The following THUMPD2 variants were observed in gnomAD, a reference collection of about 807,000 sequenced individuals.
THUMPD2 encodes the protein THUMP domain 2 tRNA and snRNA guanosine methyltransferase, also known as U6 snRNA (guanine-N(2))-methyltransferase THUMPD2.
THUMPD2 carries 56 observed loss-of-function variants against 49.4 expected under a neutral mutation model. That is an observed-to-expected ratio of 1.13 (90% CI 0.91 to 1.41). The LOEUF is 1.41. THUMPD2 is among the 40% of genes most tolerant of loss of function. The probability of loss-of-function intolerance (pLI) is 0.00; values close to 1 mark genes in which losing one functional copy is unlikely to be tolerated. For missense variants in THUMPD2, 709 were observed against 594.5 expected (o/e 1.19, Z -2.00); for synonymous variants, 237 against 205.2 (o/e 1.15, Z -1.32).
intron 5 of THUMPD2, among the ~76,000 whole-genome samples, chr2:39,765,448 G>A (rs1039083733): frequency 3.3e-5 from 5 of 151,874 alleles, no homozygotes; most frequent in Non-Finnish European, 5.9e-5. Context: ...GTGAGCCACC[G>A]CGCCCGGTCC....
At chr2:39,755,851 T>G in intron 7 of THUMPD2, 38 bp downstream of exon 7, 1 of 1,548,090 alleles carries the variant, frequency 6.5e-7, no homozygotes, top group Non-Finnish European at 8.9e-7. Context: ...CTGATTAAAG[T>G]AGATAAATTG....
chr2:39,757,335 G>A, intron 6 of THUMPD2: 4 of 1,234,040 alleles, frequency 3.2e-6, no homozygotes, highest in Non-Finnish European at 4.3e-6. Context: ...AGTCCTCAGT[G>A]CACAGCCAGG....
chr2:39,754,160 T>G (rs187051395), intron 8 of THUMPD2, among the ~76,000 whole-genome samples: 36 of 152,282 alleles, frequency 2.4e-4, no homozygotes, highest in Non-Finnish European at 3.5e-4. Flanking sequence ...CTGGAACAAT[T>G]TAGGAACCAA....
intron 5 of THUMPD2, among the ~76,000 whole-genome samples, chr2:39,763,211 G>C (rs1015518010): frequency 3.8e-4 from 57 of 151,494 alleles, no homozygotes; most frequent in African/African-American, 1.2e-3. Flanking sequence ...CCAAGACAAA[G>C]ACGTCCTAAT....
intron 8 of THUMPD2, among the ~76,000 whole-genome samples, chr2:39,745,134 C>CT (rs1558492385): frequency 6.6e-6 from 1 of 152,254 alleles, no homozygotes; most frequent in East Asian, 1.9e-4. Context: ...GTACTTTCCA[C>CT]TTTTTACTTA....
chr2:39,755,787 T>C, intron 7 of THUMPD2, 102 bp downstream of exon 7: 1 of 939,574 alleles, frequency 1.1e-6, no homozygotes, highest in African/African-American at 1.7e-5. Flanking sequence ...TAATTAAAAA[T>C]AATCCCCAAA....
intron 1 of THUMPD2, among the ~76,000 whole-genome samples, chr2:39,777,954 C>T (rs1053559167): frequency 6.6e-6 from 1 of 152,140 alleles, no homozygotes; most frequent in African/African-American, 2.4e-5. Flanking sequence ...AAAAAACAAG[C>T]CAGCGCACCC....
intron 1 of THUMPD2, 22 bp downstream of exon 1, chr2:39,779,092 G>A (rs1208056369): frequency 6.7e-7 from 1 of 1,496,940 alleles, no homozygotes; most frequent in East Asian, 2.8e-5. Flanking sequence ...ACCTCCCCAG[G>A]CGCGCAGCGA....
At chr2:39,766,563 G>A (rs1158970579) in intron 4 of THUMPD2, among the ~76,000 whole-genome samples, 1 of 152,152 alleles carries the variant, frequency 6.6e-6, no homozygotes, top group Non-Finnish European at 1.5e-5. Context: ...ATGGCAGCAA[G>A]GGTGCTGTTT....
chr2:39,755,431 A>C lies in THUMPD2; in HGVS notation c.964-22T>G, dbSNP rs765660367. ...CATCCTATGGGGAAATAAATATTTT[A>C]AGCATAAATAAAATTATTACATATT... On this transcript the variant is annotated intron_variant, in intron 7 of 9. Transcript: ENST00000505747. 11 of 1,435,452 alleles carry C rather than the reference A, an allele frequency of 7.7e-6. No homozygotes were observed. The South Asian group carries it at 1.4e-4, about 19-fold the overall frequency. The allele number at this position is 1,435,452 out of a possible 1,614,324, so 88.9% of individuals were successfully genotyped here.
intron 5 of THUMPD2, among the ~76,000 whole-genome samples, chr2:39,762,793 G>C (rs917609169): frequency 1.3e-5 from 2 of 149,648 alleles, no homozygotes; most frequent in African/African-American, 4.9e-5. Flanking sequence ...ATACCAAAAA[G>C]GGAGACGCAG....
intron 9 of THUMPD2, among the ~76,000 whole-genome samples, chr2:39,739,874 T>C (rs1023062453): frequency 6.6e-6 from 1 of 152,212 alleles, no homozygotes; most frequent in African/African-American, 2.4e-5. Context: ...AAGTAACTTT[T>C]TGGGGCAACA....
chr2:39,762,216 G>A (rs1427348502), intron 5 of THUMPD2, among the ~76,000 whole-genome samples: 2 of 152,094 alleles, frequency 1.3e-5, no homozygotes, highest in South Asian at 2.1e-4. Context: ...GAATTTGTGT[G>A]GGTTTGTCTT....
In THUMPD2 at chr2:39,775,327, G is replaced by C. The variant is rs147977694; in HGVS notation, c.127-3687C>G. 1.8e-3 allele frequency among the ~76,000 whole-genome samples: 277 copies of C among 152,126 alleles called. 2 individuals carry two copies. The highest frequency in any genetic ancestry group is 6.3e-3 in the African/African-American group (262 of 41,474). On this transcript the variant is annotated intron_variant, in intron 1 of 9. Coordinates refer to ENST00000505747, the MANE Select transcript of THUMPD2 (RefSeq NM_025264.5). ...TATGCAAAAACACATCATGATATAG[G>C]GAGGTACCAAAGGTCTCCTAATTCT...
upstream of THUMPD2, chr2:39,779,274 C>T (rs898171640): frequency 4.5e-6 from 6 of 1,334,902 alleles, no homozygotes; most frequent in Non-Finnish European, 5.8e-6. Context: ...CTTCGGGTCA[C>T]GTGGCCTCGG....
intron 8 of THUMPD2, among the ~76,000 whole-genome samples, chr2:39,745,301 C>A (rs538630788): frequency 6.6e-6 from 1 of 152,122 alleles, no homozygotes; most frequent in African/African-American, 2.4e-5. Flanking sequence ...AATTTAGCAA[C>A]AAAAAGTGCT....
intron 1 of THUMPD2, among the ~76,000 whole-genome samples, chr2:39,775,242 G>C (rs189725370): frequency 3.1e-4 from 47 of 152,262 alleles, no homozygotes; most frequent in Admixed American, 1.3e-3. Flanking sequence ...TCACGCCACT[G>C]TTCCCTAGCC....
intron 8 of THUMPD2, among the ~76,000 whole-genome samples, chr2:39,750,425 T>C (rs12623545): frequency 0.41 from 62,117 of 152,216 alleles, 13,792 homozygotes; most frequent in East Asian, 0.75. Flanking sequence ...TCATGTCTTT[T>C]GCTCACTTTT....
chr2:39,767,676 G>T (rs982543238), intron 4 of THUMPD2, among the ~76,000 whole-genome samples: 1 of 150,772 alleles, frequency 6.6e-6, no homozygotes, highest in Non-Finnish European at 1.5e-5. Flanking sequence ...AACATTCTTG[G>T]GATCAAAACA....
Sources: gnomAD v4.1 joint callset for allele counts (sites outside exome capture counted in the v4.1 genomes callset) on GRCh38, gnomAD v4.1.1 for gene constraint, MANE v1.5 for transcripts, NCBI Gene and HGNC (gene_info 2026-07-23, HGNC 2026-07-21) for gene names.